FHIT: variants seen among roughly 807,000 people sequenced by gnomAD.
FHIT encodes fragile histidine triad diadenosine triphosphatase, also known as bis(5'-adenosyl)-triphosphatase.
In FHIT, 19 loss-of-function variants were observed where a neutral mutation model predicts 17.9. The ratio of observed to expected loss-of-function variants is 1.06; its 90% CI spans 0.74 to 1.56. FHIT has a LOEUF of 1.56. FHIT is among the 40% of genes most tolerant of loss of function. FHIT has a pLI of 0.00. For missense variants in FHIT, 248 were observed against 189.2 expected (o/e 1.31, Z -1.82); for synonymous variants, 81 against 69.7 (o/e 1.16, Z -0.81).
At chr3:60,803,287 C>T (rs1204312939) in intron 4 of FHIT, among the ~76,000 whole-genome samples, 2 of 152,176 alleles carry the variant, frequency 1.3e-5, no homozygotes, top group African/African-American at 4.8e-5. Context: ...GTGCAACATG[C>T]TTCCTCGTGA....
At chr3:60,165,567 C>T (rs1701137249) in intron 5 of FHIT, among the ~76,000 whole-genome samples, 1 of 152,044 alleles carries the variant, frequency 6.6e-6, no homozygotes, top group African/African-American at 2.4e-5. Context: ...CAATATTTTG[C>T]AATAGACATG....
intron 4 of FHIT, among the ~76,000 whole-genome samples, chr3:60,656,953 T>C (rs192356202): frequency 7.0e-6 from 1 of 142,818 alleles, no homozygotes; most frequent in Non-Finnish European, 1.5e-5. Flanking sequence ...GCAGCATTTT[T>C]CTGAAAGGGA....
At chr3:60,935,616 G>A (rs1175846994) in intron 3 of FHIT, among the ~76,000 whole-genome samples, 1 of 152,226 alleles carries the variant, frequency 6.6e-6, no homozygotes, top group Admixed American at 6.5e-5. Flanking sequence ...CCCGGCTGAG[G>A]CAGGGAAGAC....
rs190177630 is a variant in FHIT at position 60,646,768 on chromosome 3, A to G, written c.-17-109789T>C. On this transcript the variant is annotated intron_variant, in intron 4 of 9. Transcript: ENST00000492590. ...GACTGGTTAAGGGTAAAAGTGGGGG[A>G]AAAAAGCAAAACTGTAAAGTAACTG... Among the ~76,000 whole-genome samples, 8 of 152,284 alleles carry G rather than the reference A, an allele frequency of 5.3e-5. No individual in the cohort carries two copies. The South Asian group carries it at 1.7e-3, about 32-fold the overall frequency.
At chr3:60,926,560 T>C (rs1553769992) in intron 3 of FHIT, among the ~76,000 whole-genome samples, 2 of 152,184 alleles carry the variant, frequency 1.3e-5, no homozygotes, top group African/African-American at 4.8e-5. Flanking sequence ...CAAAGCAGTG[T>C]GTAGAGGGAA....
chr3:60,674,122 G>T (rs1027910298), intron 4 of FHIT, among the ~76,000 whole-genome samples: 1 of 152,044 alleles, frequency 6.6e-6, no homozygotes, highest in Non-Finnish European at 1.5e-5. Flanking sequence ...CTTCAGATCA[G>T]ACAATTTCTA....
intron 4 of FHIT, among the ~76,000 whole-genome samples, chr3:60,581,737 GT>G (rs1168012544): frequency 6.6e-6 from 1 of 151,994 alleles, no homozygotes; most frequent in Admixed American, 6.6e-5. Context: ...TTTCTGCAGA[GT>G]TTAGTGATGA....
At chr3:59,760,827 A>AT (rs1465520146) in intron 8 of FHIT, among the ~76,000 whole-genome samples, 2 of 139,500 alleles carry the variant, frequency 1.4e-5, no homozygotes, top group African/African-American at 3.1e-5. Flanking sequence ...CACCATTTAG[A>AT]GGTAATTTTT....
chr3:61,220,443 G>A (rs968721190), intron 1 of FHIT, among the ~76,000 whole-genome samples: 1 of 152,298 alleles, frequency 6.6e-6, no homozygotes, highest in East Asian at 1.9e-4. Flanking sequence ...TATATTCCTA[G>A]AAGTTTTATT....
At chr3:60,168,854 C>T (rs1576240811) in intron 5 of FHIT, among the ~76,000 whole-genome samples, 1 of 141,290 alleles carries the variant, frequency 7.1e-6, no homozygotes, top group Admixed American at 7.1e-5. Context: ...CTTCCTTTCT[C>T]TCCTCTGCTC....
intron 4 of FHIT, among the ~76,000 whole-genome samples, chr3:60,643,136 G>A (rs2039767558): frequency 6.6e-6 from 1 of 152,070 alleles, no homozygotes; most frequent in Non-Finnish European, 1.5e-5. Flanking sequence ...AACTATTGTC[G>A]AATGAATGAG....
At chr3:60,762,950 C>A (rs1050625709) in intron 4 of FHIT, among the ~76,000 whole-genome samples, 5 of 152,232 alleles carry the variant, frequency 3.3e-5, no homozygotes, top group South Asian at 2.1e-4. Flanking sequence ...GGCTTAAAAT[C>A]GATCATCTCT....
intron 2 of FHIT, among the ~76,000 whole-genome samples, chr3:61,070,145 C>T (rs949953463): frequency 2.0e-5 from 3 of 152,182 alleles, no homozygotes; most frequent in South Asian, 4.1e-4. Flanking sequence ...CCACTCAACT[C>T]GGCTTCCCAA....
chr3:60,973,774 A>G (rs1012854165), intron 3 of FHIT, among the ~76,000 whole-genome samples: 6 of 152,180 alleles, frequency 3.9e-5, no homozygotes, highest in African/African-American at 9.7e-5. Flanking sequence ...ATGTCAGGAA[A>G]TCTGAAGCTT....
chr3:61,180,131 G>A lies in FHIT; in HGVS notation c.-164+20486C>T, dbSNP rs563043330. Among the ~76,000 whole-genome samples, 8 of 152,216 alleles carry A rather than the reference G, an allele frequency of 5.3e-5. 1 individual carries two copies. Among genetic ancestry groups the A allele is most frequent in the African/African-American group, 1.7e-4 (7 of 41,526 alleles). ...GACAGTCTTGTTAAAACCTCTTAGC[G>A]TGCCTTTCCCTCACGGCATCAATTT... On this transcript the variant is annotated intron_variant, in intron 2 of 9. Coordinates refer to ENST00000492590, the MANE Select transcript of FHIT (RefSeq NM_002012.4).
At chr3:60,255,056 A>G (rs552817082) in intron 5 of FHIT, among the ~76,000 whole-genome samples, 4 of 152,296 alleles carry the variant, frequency 2.6e-5, no homozygotes, top group Non-Finnish European at 5.9e-5. Context: ...ATTAGCATTA[A>G]GTTTACCAAA....
intron 5 of FHIT, among the ~76,000 whole-genome samples, chr3:60,153,665 G>A (rs574237919): frequency 4.6e-5 from 7 of 152,250 alleles, no homozygotes; most frequent in African/African-American, 1.7e-4. Flanking sequence ...CTAAGGCCAC[G>A]TTTATGAAAT....
At chr3:60,404,180 G>A (rs146789521) in intron 5 of FHIT, among the ~76,000 whole-genome samples, 22 of 152,058 alleles carry the variant, frequency 1.4e-4, no homozygotes, top group South Asian at 2.1e-4. Flanking sequence ...CTTTTTTTGC[G>A]TCATTCTTTC....
chr3:61,130,560 G>A (rs937532634), intron 2 of FHIT, among the ~76,000 whole-genome samples: 9 of 152,228 alleles, frequency 5.9e-5, no homozygotes, highest in Middle Eastern at 3.4e-3. Flanking sequence ...AAAGATAAAT[G>A]TTCCCCCAGG....
Sources: allele counts gnomAD v4.1 joint callset (sites outside exome capture counted in the v4.1 genomes callset), GRCh38; gene constraint gnomAD v4.1.1; transcripts MANE v1.5; gene names NCBI Gene and HGNC (gene_info 2026-07-23, HGNC 2026-07-21).